The following COL14A1 variants were observed in gnomAD, a reference collection of about 807,000 sequenced individuals.
The protein encoded by COL14A1 is collagen type XIV alpha 1 chain, also known as collagen alpha-1(XIV) chain.
A neutral mutation model predicts 230.3 loss-of-function variants in COL14A1; 136 were observed. The observed-to-expected ratio is 0.59, with a 90% CI of 0.51 to 0.68. The LOEUF is 0.68. Among genes scored for constraint, COL14A1 ranks in the 30% least tolerant of loss-of-function variants. COL14A1 has a pLI of 0.00. For synonymous variants in COL14A1, 792 were observed against 784.1 expected (o/e 1.01, Z -0.17); for missense variants, 1,976 against 2,215.8 (o/e 0.89, Z 2.17).
At chr8:120,220,205 C>T (rs1418251763) in intron 14 of COL14A1, among the ~76,000 whole-genome samples, 2 of 151,842 alleles carry the variant, frequency 1.3e-5, no homozygotes, top group East Asian at 3.9e-4. Flanking sequence ...TTTAAGAAAT[C>T]CTCAAAAAAC....
At chr8:120,151,191 C>T (rs1272179899) in intron 2 of COL14A1, among the ~76,000 whole-genome samples, 1 of 152,042 alleles carries the variant, frequency 6.6e-6, no homozygotes, top group Non-Finnish European at 1.5e-5. Context: ...CTTATTTCTA[C>T]CATTACGCCT....
Position 120,196,857 on chromosome 8 carries a change from G to C in COL14A1, c.503G>C (p.Ser168Thr), listed in dbSNP as rs1381533514. ...DIVILVDGSW[S>T]IGRFNFRLVR... Reference sequence around the variant, plus strand: ...GTAATCCTGGTCGATGGTTCATGGAGTATTGGAAGATTCAACTTCAGACTG... The same window carrying C: ...GTAATCCTGGTCGATGGTTCATGGACTATTGGAAGATTCAACTTCAGACTG... The change falls in exon 6 of 48, where the codon AGT (serine) becomes ACT (threonine). Residue 168 changes from serine to threonine, a missense_variant. By Grantham distance (58) the Ser-to-Thr change is moderately conservative (BLOSUM62 1). Around this residue, in one of 3 missense-constraint regions of COL14A1, gnomAD observed 4 missense variants for 17.7 expected, o/e 0.23. Coordinates refer to ENST00000297848, the MANE Select transcript of COL14A1 (RefSeq NM_021110.4). The C allele has an allele frequency of 1.9e-6, 3 of 1,614,116 alleles. No individual in the cohort carries two copies. Among genetic ancestry groups the C allele is most frequent in the Non-Finnish European group, 2.5e-6 (3 of 1,179,996 alleles).
intron 31 of COL14A1, among the ~76,000 whole-genome samples, chr8:120,282,463 G>C (rs954670063): frequency 4.6e-5 from 7 of 152,142 alleles, no homozygotes; most frequent in African/African-American, 1.7e-4. Flanking sequence ...ACCTTTGTCA[G>C]TTTATTTGCT....
At chr8:120,145,360 T>G (rs1267545362) in intron 1 of COL14A1, among the ~76,000 whole-genome samples, 2 of 152,252 alleles carry the variant, frequency 1.3e-5, no homozygotes, top group Non-Finnish European at 2.9e-5. Flanking sequence ...GGCTCAGGCC[T>G]GTAATCCCAG....
chr8:120,263,703 G>A (rs951377318), intron 24 of COL14A1, among the ~76,000 whole-genome samples: 6 of 151,944 alleles, frequency 3.9e-5, no homozygotes, highest in Admixed American at 1.3e-4. Flanking sequence ...TTGAAATTCC[G>A]GGAGGATTTG....
chr8:120,172,792 G>A (rs1301123161), intron 5 of COL14A1, among the ~76,000 whole-genome samples: 1 of 152,134 alleles, frequency 6.6e-6, no homozygotes, highest in Non-Finnish European at 1.5e-5. Context: ...AGCCCTGTGA[G>A]GGTGCCTCCC....
At chr8:120,341,494 C>A in intron 43 of COL14A1, 134 bp downstream of exon 43, 1 of 983,834 alleles carries the variant, frequency 1.0e-6, no homozygotes, top group East Asian at 2.7e-5. Flanking sequence ...CTCCCTTTCC[C>A]CAATTCATTA....
chr8:120,127,216 C>A (rs915846044), intron 1 of COL14A1, among the ~76,000 whole-genome samples: 3 of 152,198 alleles, frequency 2.0e-5, no homozygotes, highest in Admixed American at 1.3e-4. Flanking sequence ...TTTCAAGGTT[C>A]ATCCATGATG....
chr8:120,229,729 C>T (rs1207301139), intron 18 of COL14A1, among the ~76,000 whole-genome samples: 2 of 152,138 alleles, frequency 1.3e-5, no homozygotes, highest in Non-Finnish European at 2.9e-5. Flanking sequence ...GTCCCACCAA[C>T]AGTGTAAAAG....
At chr8:120,149,868 G>GT (rs1489469543) in intron 2 of COL14A1, among the ~76,000 whole-genome samples, 1 of 151,814 alleles carries the variant, frequency 6.6e-6, no homozygotes, top group Non-Finnish European at 1.5e-5. Context: ...CTAATTTTGT[G>GT]TTTTTAGTAG....
chr8:120,248,318 A>G (rs1359890614), intron 21 of COL14A1, among the ~76,000 whole-genome samples: 2 of 152,130 alleles, frequency 1.3e-5, no homozygotes, highest in Non-Finnish European at 2.9e-5. Flanking sequence ...TCTTGAAGGC[A>G]TGAAAATGAT....
intron 34 of COL14A1, among the ~76,000 whole-genome samples, chr8:120,295,892 G>A (rs1820513004): frequency 3.3e-5 from 5 of 151,822 alleles, no homozygotes; most frequent in Admixed American, 3.3e-4. Flanking sequence ...AGTTGGAGAT[G>A]ACACCCAGGC....
At chr8:120,246,354 G>A (rs1357748945) in intron 20 of COL14A1, among the ~76,000 whole-genome samples, 1 of 152,152 alleles carries the variant, frequency 6.6e-6, no homozygotes, top group Non-Finnish European at 1.5e-5. Context: ...AAGGAGAGAA[G>A]GAAAACAGAA....
chr8:120,362,412 A>G (rs1007614868), intron 45 of COL14A1, among the ~76,000 whole-genome samples: 4 of 152,244 alleles, frequency 2.6e-5, no homozygotes, highest in Admixed American at 6.5e-5. Flanking sequence ...AAAGTCTGCA[A>G]TCAAATTTTG....
At chr8:120,139,352 C>A (rs76843784) in intron 1 of COL14A1, among the ~76,000 whole-genome samples, 15 of 152,214 alleles carry the variant, frequency 9.9e-5, no homozygotes, top group Admixed American at 8.5e-4. Context: ...CGAGTCAGGT[C>A]GCCCATGTCT....
At chr8:120,291,228 A>G (rs1008042567) in intron 34 of COL14A1, among the ~76,000 whole-genome samples, 11 of 152,164 alleles carry the variant, frequency 7.2e-5, no homozygotes, top group Non-Finnish European at 1.6e-4. Context: ...GGATATATAG[A>G]TGGATACTTG....
At chr8:120,240,530 C>T (rs996854497) in intron 19 of COL14A1, among the ~76,000 whole-genome samples, 3 of 152,020 alleles carry the variant, frequency 2.0e-5, no homozygotes, top group African/African-American at 4.8e-5. Context: ...TAATGTATGG[C>T]GCAGAAAGAC....
At chr8:120,338,739 A>C (rs1027219086) in intron 42 of COL14A1, among the ~76,000 whole-genome samples, 1 of 152,208 alleles carries the variant, frequency 6.6e-6, no homozygotes, top group African/African-American at 2.4e-5. Flanking sequence ...ATCAGCTATT[A>C]GTATTTAGAG....
chr8:120,366,351 A>G (rs939563961), intron 45 of COL14A1, among the ~76,000 whole-genome samples: 2 of 152,190 alleles, frequency 1.3e-5, no homozygotes, highest in Non-Finnish European at 2.9e-5. Flanking sequence ...TTAAACAGAG[A>G]TGCTGTTCTG....
Sources: allele counts gnomAD v4.1 joint callset (sites outside exome capture counted in the v4.1 genomes callset), GRCh38; gene constraint gnomAD v4.1.1; regional missense constraint gnomAD v4.1.1; transcripts MANE v1.5; gene names NCBI Gene and HGNC (gene_info 2026-07-23, HGNC 2026-07-21).